The following FERRY3 variants were observed in gnomAD, a reference collection of about 807,000 sequenced individuals.
FERRY3 encodes protein C12orf4.
chr12:4,517,053 T>C, the FERRY3 span: 3 of 1,533,248 alleles, frequency 2.0e-6, no homozygotes, highest in African/African-American at 4.1e-5. Context: ...AAAGTGAGTT[T>C]TACCCACCAA....
the FERRY3 span, among the ~76,000 whole-genome samples, chr12:4,531,812 C>T: frequency 6.6e-6 from 1 of 152,210 alleles, no homozygotes; most frequent in Non-Finnish European, 1.5e-5. Flanking sequence ...AAGAATTCCT[C>T]TCTGCCCCAC....
chr12:4,507,048 A>G, the FERRY3 span, among the ~76,000 whole-genome samples: 1 of 152,160 alleles, frequency 6.6e-6, no homozygotes, highest in African/African-American at 2.4e-5. Context: ...ATATACACGC[A>G]CTGCCTTAGC....
chr12:4,517,589 A>G, the FERRY3 span, among the ~76,000 whole-genome samples: 1 of 150,554 alleles, frequency 6.6e-6, no homozygotes, highest in Non-Finnish European at 1.5e-5. Flanking sequence ...TCTACATTTT[A>G]TATATTTACA....
At chr12:4,492,741 C>T in the FERRY3 span, among the ~76,000 whole-genome samples, 15 of 152,118 alleles carry the variant, frequency 9.9e-5, no homozygotes, top group East Asian at 2.9e-3. Context: ...TAGTGTTTCC[C>T]CTCTAAACCA....
At chr12:4,500,809 T>C in the FERRY3 span, among the ~76,000 whole-genome samples, 2 of 152,168 alleles carry the variant, frequency 1.3e-5, no homozygotes, top group Non-Finnish European at 2.9e-5. Context: ...TGTGCCATCA[T>C]GCCCAGCTAA....
chr12:4,534,114 TC>T, the FERRY3 span: 31 of 1,515,932 alleles, frequency 2.0e-5, no homozygotes, highest in Middle Eastern at 3.8e-4. Context: ...TTCACCAAAA[TC>T]CAGAATATCC....
the FERRY3 span, among the ~76,000 whole-genome samples, chr12:4,512,343 C>T: frequency 1.3e-5 from 2 of 151,996 alleles, no homozygotes; most frequent in African/African-American, 4.8e-5. Flanking sequence ...CCTTCTGAAA[C>T]TATTCCAATC....
At chr12:4,504,032 C>CACAGTGG in the FERRY3 span, among the ~76,000 whole-genome samples, 1 of 152,182 alleles carries the variant, frequency 6.6e-6, no homozygotes, top group Non-Finnish European at 1.5e-5. Flanking sequence ...TCCTGTTCCA[C>CACAGTGG]ACAGTGGAGG....
At chr12:4,500,587 G>A in the FERRY3 span, among the ~76,000 whole-genome samples, 2 of 152,102 alleles carry the variant, frequency 1.3e-5, no homozygotes, top group Non-Finnish European at 2.9e-5. Flanking sequence ...TGACCACCAA[G>A]TAGTAAATAA....
chr12:4,495,644 A>G, the FERRY3 span, among the ~76,000 whole-genome samples: 2 of 152,266 alleles, frequency 1.3e-5, no homozygotes, highest in African/African-American at 4.8e-5. Context: ...GCAAGTTAAA[A>G]TAGGGATGGG....
chr12:4,530,870 C>T, the FERRY3 span, among the ~76,000 whole-genome samples: 1 of 151,902 alleles, frequency 6.6e-6, no homozygotes, highest in Non-Finnish European at 1.5e-5. Context: ...GAAACTGATA[C>T]ACTGAGAAGT....
the FERRY3 span, among the ~76,000 whole-genome samples, chr12:4,495,321 T>G: frequency 1.1e-4 from 16 of 152,230 alleles, no homozygotes; most frequent in Admixed American, 1.0e-3. Flanking sequence ...TTTGAAATAC[T>G]ATGATAGTAA....
chr12:4,490,099 G>A, the FERRY3 span, among the ~76,000 whole-genome samples: 2 of 152,100 alleles, frequency 1.3e-5, no homozygotes, highest in African/African-American at 2.4e-5. Flanking sequence ...GAGAACTTAT[G>A]TCATTTCTGT....
At chr12:4,528,898 CA>C in the FERRY3 span, among the ~76,000 whole-genome samples, 13,301 of 48,042 alleles carry the variant, frequency 0.28, 1,976 homozygotes, top group African/African-American at 0.47. Flanking sequence ...AAATCAGTTA[CA>C]CACACACACA....
chr12:4,536,040 CTG>C, the FERRY3 span: 1 of 1,578,326 alleles, frequency 6.3e-7, no homozygotes, highest in Admixed American at 1.9e-5. Flanking sequence ...GCACGGTAAA[CTG>C]TGCAGCAGCA....
chr12:4,492,908 A>C, the FERRY3 span, among the ~76,000 whole-genome samples: 2 of 152,166 alleles, frequency 1.3e-5, no homozygotes, highest in Admixed American at 1.3e-4. Context: ...AGCTTCTGTG[A>C]CTTTTAAATT....
the FERRY3 span, among the ~76,000 whole-genome samples, chr12:4,492,055 A>T: frequency 2.6e-5 from 4 of 151,728 alleles, no homozygotes; most frequent in Admixed American, 2.6e-4. Flanking sequence ...CTCTAAAAAA[A>T]TTTTTTTTTA....
the FERRY3 span, among the ~76,000 whole-genome samples, chr12:4,492,550 C>T: frequency 1.1e-3 from 161 of 152,262 alleles, 3 homozygotes; most frequent in South Asian, 0.033. Context: ...TTCTAATTGC[C>T]GTTTACCTAT....
At chr12:4,520,017 C>T in the FERRY3 span, among the ~76,000 whole-genome samples, 1 of 152,226 alleles carries the variant, frequency 6.6e-6, no homozygotes, top group Non-Finnish European at 1.5e-5. Flanking sequence ...CAAACCGTGA[C>T]ATATACCTCC....
Sources: allele counts gnomAD v4.1 joint callset (sites outside exome capture counted in the v4.1 genomes callset), GRCh38; gene constraint gnomAD v4.1.1; transcripts MANE v1.5; gene names NCBI Gene and HGNC (gene_info 2026-07-23, HGNC 2026-07-21).